The following SMAD6 variants were observed in gnomAD, a reference collection of about 807,000 sequenced individuals.
The protein encoded by SMAD6 is MAD homolog 6.
SMAD6 carries 103 observed loss-of-function variants against 39.4 expected under a neutral mutation model. The observed-to-expected ratio is 2.62, with a 90% CI of 2.23 to 3.08. The LOEUF (loss-of-function observed/expected upper bound fraction) is 3.08, where lower values mean the gene tolerates loss of function less well. Among genes scored for constraint, SMAD6 ranks in the 30% most tolerant of loss-of-function variants. The probability of loss-of-function intolerance (pLI) is 0.00; values close to 1 mark genes in which losing one functional copy is unlikely to be tolerated. For missense variants in SMAD6, 1,104 were observed against 742.9 expected (o/e 1.49, Z -5.65); for synonymous variants, 445 against 353.3 (o/e 1.26, Z -2.91).
intron 3 of SMAD6, among the ~76,000 whole-genome samples, chr15:66,737,321 A>G (rs550265429): frequency 6.6e-6 from 1 of 152,246 alleles, no homozygotes; most frequent in East Asian, 1.9e-4. Flanking sequence ...GGTCCCACAC[A>G]TATCACCTCT....
At position 66,716,509 on chromosome 15, in the gene SMAD6, T is replaced by G. The variant is rs1230643800; in HGVS notation, c.952+11T>G. 1 of 1,600,580 alleles carries G rather than the reference T, an allele frequency of 6.2e-7. No individual in the cohort carries two copies. The highest frequency in any genetic ancestry group is 1.3e-5 in the African/African-American group (1 of 74,720). ...CGGGTGAATTCTCAGGTCAGCATTT[T>G]TTCTTGTGCATTGCTGTTGTGTTGA... On this transcript the variant is annotated intron_variant, in intron 3 of 3. Transcript: ENST00000288840.
At position 66,702,908 on chromosome 15, in the gene SMAD6, G is replaced by T. The variant is rs978948036; in HGVS notation, c.-351G>T. The T allele has an allele frequency of 4.7e-6, 1 of 210,620 alleles. No individual in the cohort carries two copies. Among genetic ancestry groups the T allele is most frequent in the Non-Finnish European group, 9.4e-6 (1 of 106,636 alleles). 13.0% of individuals were successfully genotyped at this position (210,620 alleles called of 1,614,324 possible). On this transcript the variant is annotated 5_prime_UTR_variant, in exon 1 of 4. The change creates a new upstream start codon in the 5' untranslated region. Coordinates refer to ENST00000288840, the MANE Select transcript of SMAD6 (RefSeq NM_005585.5). ...ATGGACCAGCCGCACAACTTTTGAA[G>T]GCTCGCCGGCCCATGTGGGGTCTTT...
chr15:66,711,184 T>C (rs1427547266), intron 1 of SMAD6, among the ~76,000 whole-genome samples: 2 of 152,226 alleles, frequency 1.3e-5, no homozygotes, highest in African/African-American at 2.4e-5. Flanking sequence ...AATGATGCCA[T>C]GTTTATCCAA....
chr15:66,741,455 C>A (rs74881245), intron 3 of SMAD6, among the ~76,000 whole-genome samples: 2,944 of 152,296 alleles, frequency 0.019, 101 homozygotes, highest in African/African-American at 0.067. Context: ...GGGTCCTTTT[C>A]CTGCTCCTGG....
intron 3 of SMAD6, among the ~76,000 whole-genome samples, chr15:66,724,972 C>T (rs893672548): frequency 2.0e-5 from 3 of 152,254 alleles, no homozygotes; most frequent in Admixed American, 6.5e-5. Context: ...TACTTGGTTG[C>T]GTCCAGCCTA....
rs892582402 is a variant in SMAD6 at position 66,711,605 on chromosome 15, A to G, written c.818-63A>G. 1.1e-5 allele frequency: 14 copies of G among 1,242,562 alleles called. No homozygotes were observed. The African/African-American group carries it at 1.9e-4, about 17-fold the overall frequency. 77.0% of individuals were successfully genotyped at this position (1,242,562 alleles called of 1,614,324 possible). Reference sequence around the variant, plus strand: ...ATTTGGGAAACCAGTAATTAAAAGCATGTAGAACCTGAGGTGTGAGCTCCC... The same window carrying G: ...ATTTGGGAAACCAGTAATTAAAAGCGTGTAGAACCTGAGGTGTGAGCTCCC... On this transcript the variant is annotated intron_variant, in intron 1 of 3. Transcript: ENST00000288840.
At chr15:66,761,790 C>T (rs981524337) in intron 3 of SMAD6, among the ~76,000 whole-genome samples, 4 of 152,302 alleles carry the variant, frequency 2.6e-5, no homozygotes, top group East Asian at 3.9e-4. Context: ...GCTTCCTCCA[C>T]GTTTCTTTGA....
Position 66,781,896 on chromosome 15 carries a change from GA to G in SMAD6, c.*365del. 1 of 398,770 alleles carries G rather than the reference GA, an allele frequency of 2.5e-6. No homozygotes were observed. The allele number at this position is 398,770 out of a possible 1,614,324, so 24.7% of individuals were successfully genotyped here. ...GAAAATGATACAGCAGAGCTAGGTG[GA>G]AAAGCCTGGGTTTGGTGTATGGTTT... On this transcript the variant is annotated 3_prime_UTR_variant, in exon 4 of 4. Coordinates refer to ENST00000288840, the MANE Select transcript of SMAD6 (RefSeq NM_005585.5).
chr15:66,728,390 T>A (rs950044536), intron 3 of SMAD6, among the ~76,000 whole-genome samples: 2 of 150,050 alleles, frequency 1.3e-5, no homozygotes, highest in Non-Finnish European at 3.0e-5. Context: ...TTCGTGGGAT[T>A]CATCCTTTTG....
rs1338396366 is a variant in SMAD6, at chr15:66,704,086, T to C, written c.817+11T>C. 1 of 1,457,722 alleles carries C rather than the reference T, an allele frequency of 6.9e-7. No homozygotes were observed. Among genetic ancestry groups the C allele is most frequent in the Non-Finnish European group, 9.0e-7 (1 of 1,111,960 alleles). The allele number at this position is 1,457,722 out of a possible 1,614,324, so 90.3% of individuals were successfully genotyped here. ...GGCTCTGCGGGCCCGGTGAGCGCGC[T>C]GCGCCGGCCGGGGGGGCCCCGGGTC... On this transcript the variant is annotated intron_variant, in intron 1 of 3. Coordinates refer to ENST00000288840, the MANE Select transcript of SMAD6 (RefSeq NM_005585.5).
chr15:66,766,939 G>A (rs546803348), intron 3 of SMAD6, among the ~76,000 whole-genome samples: 1 of 152,278 alleles, frequency 6.6e-6, no homozygotes, highest in African/African-American at 2.4e-5. Flanking sequence ...AATAGAAGCC[G>A]GCTGACAGTT....
At chr15:66,724,988 A>G (rs1042498476) in intron 3 of SMAD6, among the ~76,000 whole-genome samples, 1 of 152,144 alleles carries the variant, frequency 6.6e-6, no homozygotes, top group Non-Finnish European at 1.5e-5. Flanking sequence ...GCCTAATCAC[A>G]ACCATCTGCC....
chr15:66,729,028 C>G (rs1032889209), intron 3 of SMAD6, among the ~76,000 whole-genome samples: 1 of 152,190 alleles, frequency 6.6e-6, no homozygotes, highest in African/African-American at 2.4e-5. Flanking sequence ...TAGTCAGAAG[C>G]CCCTCTAGAG....
intron 3 of SMAD6, among the ~76,000 whole-genome samples, chr15:66,757,131 G>A (rs567147965): frequency 3.3e-3 from 507 of 152,222 alleles, no homozygotes; most frequent in Non-Finnish European, 4.4e-3. Context: ...GATAGTCCTC[G>A]TCTCCCGTTC....
At chr15:66,709,174 A>G (rs1893179709) in intron 1 of SMAD6, among the ~76,000 whole-genome samples, 1 of 152,222 alleles carries the variant, frequency 6.6e-6, no homozygotes, top group Admixed American at 6.5e-5. Flanking sequence ...TTAGTTGCCT[A>G]CAATGGAATT....
At chr15:66,731,656 G>A (rs1261450525) in intron 3 of SMAD6, among the ~76,000 whole-genome samples, 3 of 152,102 alleles carry the variant, frequency 2.0e-5, no homozygotes, top group African/African-American at 7.2e-5. Flanking sequence ...TGGACATTTG[G>A]GTTATTTCCA....
chr15:66,730,422 C>T (rs933125218), intron 3 of SMAD6, among the ~76,000 whole-genome samples: 12 of 152,324 alleles, frequency 7.9e-5, no homozygotes, highest in African/African-American at 2.9e-4. Flanking sequence ...GCTTTCATCT[C>T]TATACTGCTC....
chr15:66,763,976 C>T (rs914742790), intron 3 of SMAD6, among the ~76,000 whole-genome samples: 2 of 152,240 alleles, frequency 1.3e-5, no homozygotes, highest in Admixed American at 6.5e-5. Flanking sequence ...AGGGCTGAGG[C>T]GCCTCGGCCA....
At chr15:66,780,878 T>C in intron 3 of SMAD6, 119 bp from the exon 4 acceptor site, 4 of 998,080 alleles carry the variant, frequency 4.0e-6, no homozygotes, top group East Asian at 2.6e-5. Context: ...ACATGACTGC[T>C]GAATGCTGGA....
Sources: allele counts gnomAD v4.1 joint callset (sites outside exome capture counted in the v4.1 genomes callset), GRCh38; gene constraint gnomAD v4.1.1; transcripts MANE v1.5; gene names NCBI Gene and HGNC (gene_info 2026-07-23, HGNC 2026-07-21).